The following ANKRD28 variants were observed in gnomAD, a reference collection of about 807,000 sequenced individuals.
The protein encoded by ANKRD28 is serine/threonine-protein phosphatase 6 regulatory ankyrin repeat subunit A.
In ANKRD28, 44 loss-of-function variants were observed where a neutral mutation model predicts 126.5. That is an observed-to-expected ratio of 0.35 (90% CI 0.27 to 0.45). ANKRD28 has a LOEUF of 0.45. ANKRD28 is among the 20% of genes least tolerant of loss of function. ANKRD28 has a pLI of 1.00. For synonymous variants in ANKRD28, 442 were observed against 468.5 expected (o/e 0.94, Z 0.73); for missense variants, 1,110 against 1,316.6 (o/e 0.84, Z 2.43).
intron 1 of ANKRD28, among the ~76,000 whole-genome samples, chr3:15,837,379 T>C (rs910886274): frequency 6.6e-6 from 1 of 152,042 alleles, no homozygotes; most frequent in Non-Finnish European, 1.5e-5. Context: ...ATCTCCAAAA[T>C]AGATCACATG....
At chr3:15,698,599 GACAA>G (rs1465101229) in intron 14 of ANKRD28, among the ~76,000 whole-genome samples, 5 of 152,196 alleles carry the variant, frequency 3.3e-5, no homozygotes, top group South Asian at 2.1e-4. Flanking sequence ...ACCAATAACA[GACAA>G]ACAGAGAGCC....
rs772549937 is a variant in ANKRD28 at position 15,686,286 on chromosome 3, A to G, written c.1987T>C (p.Leu663=). The change falls in exon 19 of 28, where the codon TTA becomes CTA. Residue 663 remains leucine, a synonymous_variant. Coordinates refer to ENST00000683139, the MANE Select transcript of ANKRD28 (RefSeq NM_001349278.2). ...TCTGCATTTCCTATTAATAGCCGTA[A>G]GCATTCTGAATGACCATTTGTTGCT... ...AAATNGHSEC[L]RLLIGNAEPQ... The G allele has an allele frequency of 2.5e-6, 4 of 1,586,032 alleles. No individual in the cohort carries two copies. The highest frequency in any genetic ancestry group is 2.6e-6 in the Non-Finnish European group (3 of 1,164,398).
intron 4 of ANKRD28, among the ~76,000 whole-genome samples, chr3:15,749,505 T>C (rs973023706): frequency 8.5e-5 from 13 of 152,250 alleles, no homozygotes; most frequent in Non-Finnish European, 1.9e-4. Flanking sequence ...TGGCAATTCA[T>C]AGACTTCATC....
chr3:15,826,848 A>C (rs547786443), intron 1 of ANKRD28, among the ~76,000 whole-genome samples: 33 of 152,316 alleles, frequency 2.2e-4, no homozygotes, highest in African/African-American at 7.5e-4. Flanking sequence ...AAGCCATGAA[A>C]GTGCAAGGGA....
At position 15,693,319 on chromosome 3, in the gene ANKRD28, T is replaced by TG. The variant is rs200901276; in HGVS notation, c.1761+1419dup. ...AAAATCTCTGACAAAAAAATAGTAA[T>TG]GGGGGGGCAGAGAGAGAGAGAGAGA... On this transcript the variant is annotated intron_variant, in intron 17 of 27. Coordinates refer to ENST00000683139, the MANE Select transcript of ANKRD28 (RefSeq NM_001349278.2). Among the ~76,000 whole-genome samples the TG allele has an allele frequency of 5.2e-3, 782 of 150,280 alleles. 12 individuals are homozygous for TG. The highest frequency in any genetic ancestry group is 0.017 in the African/African-American group (677 of 40,726).
At chr3:15,702,056 T>A (rs1346756707) in intron 14 of ANKRD28, among the ~76,000 whole-genome samples, 4 of 152,248 alleles carry the variant, frequency 2.6e-5, no homozygotes, top group Non-Finnish European at 5.9e-5. Flanking sequence ...TTGGCATACC[T>A]TTCAGATTTT....
intron 1 of ANKRD28, among the ~76,000 whole-genome samples, chr3:15,855,042 C>T (rs141182340): frequency 0.041 from 6,232 of 151,910 alleles, 415 homozygotes; most frequent in African/African-American, 0.14. Flanking sequence ...AGCAAGACTC[C>T]GTCTCAAAAA....
intron 4 of ANKRD28, among the ~76,000 whole-genome samples, chr3:15,744,857 C>T (rs533192191): frequency 1.3e-5 from 2 of 152,068 alleles, no homozygotes; most frequent in South Asian, 2.1e-4. Flanking sequence ...ACATTCCCAC[C>T]GACAGTGTAA....
At chr3:15,676,688 A>T in intron 26 of ANKRD28, 1 of 264,706 alleles carries the variant, frequency 3.8e-6, no homozygotes, top group Non-Finnish European at 7.3e-6. Flanking sequence ...ATTTCCACAG[A>T]ATACACAAAA....
At chr3:15,694,519 T>G (rs1394630572) in intron 17 of ANKRD28, among the ~76,000 whole-genome samples, 4 of 148,746 alleles carry the variant, frequency 2.7e-5, no homozygotes, top group Non-Finnish European at 4.5e-5. Context: ...CTGTCTGTCT[T>G]TTTTTTTTTT....
At chr3:15,842,297 G>C (rs1011964681) in intron 1 of ANKRD28, among the ~76,000 whole-genome samples, 1 of 151,876 alleles carries the variant, frequency 6.6e-6, no homozygotes, top group Non-Finnish European at 1.5e-5. Flanking sequence ...AAATAAGCCA[G>C]GCACAAAAAG....
exon 1 of ANKRD28, chr3:15,859,475 CT>C: frequency 7.3e-7 from 1 of 1,374,356 alleles, no homozygotes; most frequent in Non-Finnish European, 9.8e-7. Context: ...GACCGGCCCA[CT>C]GCTCCCGCCC....
chr3:15,797,754 G>T lies in ANKRD28; in HGVS notation c.-1233C>A, dbSNP rs990196369. The T allele has an allele frequency of 2.0e-6, 2 of 985,184 alleles. No individual in the cohort carries two copies. The highest frequency in any genetic ancestry group is 3.5e-5 in the African/African-American group (2 of 57,196). The allele number at this position is 985,184 out of a possible 1,614,324, so 61.0% of individuals were successfully genotyped here. On this transcript the variant is annotated 5_prime_UTR_variant, in exon 1 of 28. Transcript: ENST00000683139. ...ATAGTTTCCTTCCACTGTGAAAACC[G>T]CCACAGTTATCCTTTTCAGATTTCA...
At chr3:15,677,673 A>C in intron 24 of ANKRD28, 111 bp from the exon 25 acceptor site, 1 of 647,128 alleles carries the variant, frequency 1.5e-6, no homozygotes, top group Non-Finnish European at 2.6e-6. Flanking sequence ...CTCTCACAAA[A>C]ACTTAAGTAC....
intron 2 of ANKRD28, among the ~76,000 whole-genome samples, chr3:15,774,592 T>C (rs1366460513): frequency 6.6e-6 from 1 of 152,184 alleles, no homozygotes; most frequent in African/African-American, 2.4e-5. Context: ...AGCACTCATA[T>C]ATGAATATGG....
At chr3:15,695,137 G>A (rs1332713261) in intron 16 of ANKRD28, 51 bp downstream of exon 16, 5 of 1,413,866 alleles carry the variant, frequency 3.5e-6, no homozygotes, top group Non-Finnish European at 5.0e-6. Flanking sequence ...ATAACTGGTA[G>A]GAGGGAACTG....
intron 1 of ANKRD28, among the ~76,000 whole-genome samples, chr3:15,851,935 T>C (rs1474227944): frequency 1.3e-5 from 2 of 152,232 alleles, no homozygotes; most frequent in African/African-American, 4.8e-5. Context: ...TGGAATATTA[T>C]TCACCAATTA....
chr3:15,802,336 G>C (rs923949409), upstream of ANKRD28, among the ~76,000 whole-genome samples: 9 of 152,158 alleles, frequency 5.9e-5, no homozygotes, highest in African/African-American at 9.7e-5. Context: ...TTGCCAAACA[G>C]AACTGCCATA....
rs1163192506 is a variant in ANKRD28 at position 15,797,788 on chromosome 3, C to T, written c.-1267G>A. The stretch of plus-strand genomic sequence containing the variant: ...ATCCTTTTCAGATTTCAAATGCTTT[C>T]CTGTTCCTCAGATGATCTTGCAAAA... On this transcript the variant is annotated 5_prime_UTR_variant, in exon 1 of 28. Coordinates refer to ENST00000683139, the MANE Select transcript of ANKRD28 (RefSeq NM_001349278.2). 4 of 985,354 alleles carry T rather than the reference C, an allele frequency of 4.1e-6. No homozygotes were observed. Among genetic ancestry groups the T allele is most frequent in the Non-Finnish European group, 3.6e-6 (3 of 829,962 alleles). The allele number at this position is 985,354 out of a possible 1,614,324, so 61.0% of individuals were successfully genotyped here. A position where few individuals can be genotyped will look rare whatever the true frequency, so the allele number is the denominator to read the frequency against.
Sources: allele counts gnomAD v4.1 joint callset (sites outside exome capture counted in the v4.1 genomes callset), GRCh38; gene constraint gnomAD v4.1.1; transcripts MANE v1.5; gene names NCBI Gene and HGNC (gene_info 2026-07-23, HGNC 2026-07-21).